The following MECOM variants were observed in gnomAD, a reference collection of about 807,000 sequenced individuals.
MECOM encodes MDS1 and EVI1 complex locus, also known as histone-lysine N-methyltransferase MECOM.
MECOM carries 13 observed loss-of-function variants against 116.3 expected under a neutral mutation model. The ratio of observed to expected loss-of-function variants is 0.11; its 90% CI spans 0.07 to 0.18. The LOEUF (loss-of-function observed/expected upper bound fraction) is 0.18, where lower values mean the gene tolerates loss of function less well. Among genes scored for constraint, MECOM ranks in the 10% least tolerant of loss-of-function variants. The pLI is 1.00. For missense variants in MECOM, 1,299 were observed against 1,509.0 expected (o/e 0.86, Z 2.31); for synonymous variants, 528 against 535.2 (o/e 0.99, Z 0.19).
rs1560060859 is a variant in MECOM, at chr3:169,263,104, TA to T, written c.375+118082del. The stretch of plus-strand genomic sequence containing the variant: ...ATATATATATATATATATATATATA[TA>T]TATATATATATATATATATATATGT... On this transcript the variant is annotated intron_variant, in intron 2 of 16. Coordinates refer to ENST00000651503, the MANE Select transcript of MECOM (RefSeq NM_004991.4). Among the ~76,000 whole-genome samples, 14 of 92,892 alleles carry T rather than the reference TA, an allele frequency of 1.5e-4. 1 individual carries two copies. The highest frequency in any genetic ancestry group is 1.1e-3 in the East Asian group (3 of 2,820). The allele number at this position is 92,892 out of a possible 152,430, so 60.9% of individuals were successfully genotyped here.
At chr3:169,406,850 T>C (rs75306123) in intron 1 of MECOM, among the ~76,000 whole-genome samples, 2 of 137,926 alleles carry the variant, frequency 1.5e-5, no homozygotes, top group Non-Finnish European at 3.1e-5. Context: ...TTTTTTTTTG[T>C]TTTTTTTTTT....
At chr3:169,623,199 C>G (rs1033463705) in intron 1 of MECOM, among the ~76,000 whole-genome samples, 1 of 152,152 alleles carries the variant, frequency 6.6e-6, no homozygotes, top group Non-Finnish European at 1.5e-5. Context: ...ATTGAACCTA[C>G]GTAATCTGCA....
At chr3:169,258,177 G>A (rs952846502) in intron 2 of MECOM, among the ~76,000 whole-genome samples, 2 of 151,990 alleles carry the variant, frequency 1.3e-5, no homozygotes, top group Non-Finnish European at 2.9e-5. Flanking sequence ...CCAAGATCGC[G>A]CCACTGCTCT....
In MECOM at chr3:169,611,799, CCA is replaced by C. The variant is rs1769308382; in HGVS notation, c.37+51535_37+51536del. Reference sequence around the variant, plus strand: ...CTCATTTTTATTCTTCTTTCTTCCCCCAGTCTGATAATTATGTCCAGAAATCA... The same window carrying C: ...CTCATTTTTATTCTTCTTTCTTCCCCGTCTGATAATTATGTCCAGAAATCA... On this transcript the variant is annotated intron_variant, in intron 1 of 16. Coordinates refer to ENST00000651503, the MANE Select transcript of MECOM (RefSeq NM_004991.4). This position sits in a 1 kb window ranked among gnomAD's most constrained non-coding sequence, Gnocchi z 4.1. Among the ~76,000 whole-genome samples the C allele has an allele frequency of 6.6e-6, 1 of 152,102 alleles. No individual in the cohort carries two copies. Among genetic ancestry groups the C allele is most frequent in the Non-Finnish European group, 1.5e-5 (1 of 68,026 alleles).
chr3:169,129,478 C>T (rs1427336022), intron 4 of MECOM, among the ~76,000 whole-genome samples: 1 of 151,720 alleles, frequency 6.6e-6, no homozygotes, highest in Non-Finnish European at 1.5e-5. Flanking sequence ...CTGCAGAAAT[C>T]CACATAAGAT....
intron 1 of MECOM, among the ~76,000 whole-genome samples, chr3:169,562,348 G>A (rs1256202056): frequency 6.6e-6 from 1 of 152,034 alleles, no homozygotes; most frequent in Non-Finnish European, 1.5e-5. Context: ...GATGATCTAG[G>A]TAAGTAAAGT....
At chr3:169,645,215 A>G (rs997198386) in intron 1 of MECOM, among the ~76,000 whole-genome samples, 29 of 152,204 alleles carry the variant, frequency 1.9e-4, no homozygotes, top group African/African-American at 6.3e-4. Context: ...ACTGGCGTTC[A>G]ACATCTAAAC....
chr3:169,323,682 TC>T (rs1204952319), intron 2 of MECOM, among the ~76,000 whole-genome samples: 1 of 152,142 alleles, frequency 6.6e-6, no homozygotes, highest in African/African-American at 2.4e-5. Flanking sequence ...CTACAGCCCT[TC>T]CCTCAAACAA....
At chr3:169,378,778 T>C (rs1731884808) in intron 2 of MECOM, among the ~76,000 whole-genome samples, 1 of 152,012 alleles carries the variant, frequency 6.6e-6, no homozygotes, top group Non-Finnish European at 1.5e-5. Flanking sequence ...AGGGCCCTAC[T>C]AGAGACAGCA....
chr3:169,520,626 T>C (rs1054736942), intron 1 of MECOM, among the ~76,000 whole-genome samples: 8 of 152,232 alleles, frequency 5.3e-5, no homozygotes, highest in African/African-American at 1.7e-4. Flanking sequence ...AAAAATGAAA[T>C]GCCATTATTT....
At chr3:169,483,202 A>AT (rs200735642) in intron 1 of MECOM, among the ~76,000 whole-genome samples, 4,818 of 102,890 alleles carry the variant, frequency 0.047, 121 homozygotes, top group South Asian at 0.1. Context: ...TTTTATTTTT[A>AT]TTTTTTTTTT....
At chr3:169,571,618 A>G (rs1015806430) in intron 1 of MECOM, among the ~76,000 whole-genome samples, 10 of 152,240 alleles carry the variant, frequency 6.6e-5, no homozygotes, top group African/African-American at 2.4e-4. Flanking sequence ...TAACCAAAAC[A>G]GCATGGTACT....
At chr3:169,278,641 A>G (rs1329972493) in intron 2 of MECOM, among the ~76,000 whole-genome samples, 1 of 152,228 alleles carries the variant, frequency 6.6e-6, no homozygotes, top group Non-Finnish European at 1.5e-5. Flanking sequence ...TAATTCTCTC[A>G]TAATCTGTCT....
chr3:169,134,150 A>T (rs913831027), intron 3 of MECOM, among the ~76,000 whole-genome samples: 3 of 152,206 alleles, frequency 2.0e-5, no homozygotes, highest in African/African-American at 7.2e-5. Context: ...TTTGTAGTCC[A>T]CTATTAATCA....
At chr3:169,087,545 C>T (rs1237599767) in intron 16 of MECOM, among the ~76,000 whole-genome samples, 2 of 151,990 alleles carry the variant, frequency 1.3e-5, no homozygotes, top group Admixed American at 6.6e-5. Context: ...TATAGTGAGC[C>T]GTGATTGCAC....
At chr3:169,539,239 G>A (rs1369219401) in intron 1 of MECOM, among the ~76,000 whole-genome samples, 1 of 152,100 alleles carries the variant, frequency 6.6e-6, no homozygotes, top group Non-Finnish European at 1.5e-5. Flanking sequence ...AATTCTGATT[G>A]TGCTAGTTTC....
At chr3:169,227,751 A>G (rs1268161111) in intron 2 of MECOM, among the ~76,000 whole-genome samples, 4 of 152,230 alleles carry the variant, frequency 2.6e-5, no homozygotes, top group Admixed American at 6.5e-5. Context: ...TGTTTTAAAA[A>G]GGAAACAAGA....
intron 2 of MECOM, among the ~76,000 whole-genome samples, chr3:169,336,038 T>C (rs1577756554): frequency 6.6e-6 from 1 of 152,176 alleles, no homozygotes; most frequent in East Asian, 1.9e-4. Flanking sequence ...TTTGGTTTTG[T>C]TAGATATCAA....
chr3:169,264,977 A>G (rs932748057), intron 2 of MECOM, among the ~76,000 whole-genome samples: 2 of 152,138 alleles, frequency 1.3e-5, no homozygotes, highest in Admixed American at 1.3e-4. Flanking sequence ...ATTAGTCAGG[A>G]ACTGGAACTG....
Sources: gnomAD v4.1 joint callset for allele counts (sites outside exome capture counted in the v4.1 genomes callset) on GRCh38, gnomAD v4.1.1 for gene constraint, Gnocchi (gnomAD v3.1) non-coding constraint, MANE v1.5 for transcripts, NCBI Gene and HGNC (gene_info 2026-07-23, HGNC 2026-07-21) for gene names.